The following FAM24B variants were observed in gnomAD, a reference collection of about 807,000 sequenced individuals.
FAM24B encodes the protein protein FAM24B.
FAM24B carries 3 observed loss-of-function variants against 2.3 expected under a neutral mutation model. That is an observed-to-expected ratio of 1.29 (90% CI 0.59 to 3.32). FAM24B has a LOEUF of 3.32. FAM24B is among the 30% of genes most tolerant of loss of function. The probability of loss-of-function intolerance (pLI) is 0.03; values close to 1 mark genes in which losing one functional copy is unlikely to be tolerated. For missense variants in FAM24B, 98 were observed against 117.2 expected, an observed-to-expected ratio of 0.84 and a Z score of 0.76; for synonymous variants, 36 against 46.3, an observed-to-expected ratio of 0.78 and a Z score of 0.90.
At chr10:122,863,988 G>A (rs1847763685) in intron 1 of FAM24B, among the ~76,000 whole-genome samples, 1 of 152,158 alleles carries the variant, frequency 6.6e-6, no homozygotes, top group African/African-American at 2.4e-5. Context: ...TCTTGTTCAG[G>A]TCAGGGTCAC....
intron 1 of FAM24B, among the ~76,000 whole-genome samples, chr10:122,872,417 C>T (rs938301702): frequency 1.3e-5 from 2 of 152,154 alleles, no homozygotes; most frequent in Non-Finnish European, 2.9e-5. Context: ...ACCATTTGAC[C>T]CAGCCATCCC....
chr10:122,867,572 G>A (rs60767967), intron 1 of FAM24B, among the ~76,000 whole-genome samples: 1,670 of 152,254 alleles, frequency 0.011, 30 homozygotes, highest in African/African-American at 0.038. Flanking sequence ...TCACATGGCC[G>A]GGTACTCCTC....
intron 1 of FAM24B, among the ~76,000 whole-genome samples, chr10:122,872,499 T>C (rs1847913337): frequency 6.6e-6 from 1 of 152,172 alleles, no homozygotes; most frequent in African/African-American, 2.4e-5. Flanking sequence ...ATATTTATTG[T>C]GGCATTATTC....
intron 1 of FAM24B, among the ~76,000 whole-genome samples, chr10:122,865,967 A>G (rs1351482842): frequency 2.6e-5 from 4 of 151,090 alleles, no homozygotes; most frequent in East Asian, 1.9e-4. Flanking sequence ...CAGTGGTGCA[A>G]TCTTGGCTCA....
intron 1 of FAM24B, among the ~76,000 whole-genome samples, chr10:122,873,640 T>C (rs1198546914): frequency 6.6e-6 from 1 of 152,230 alleles, no homozygotes; most frequent in Non-Finnish European, 1.5e-5. Context: ...TAGCCATAGA[T>C]AGCAATTTCT....
At chr10:122,874,816 T>A (rs1237323453) in intron 1 of FAM24B, among the ~76,000 whole-genome samples, 1 of 150,430 alleles carries the variant, frequency 6.6e-6, no homozygotes. Flanking sequence ...CAGCATGAGG[T>A]TTTTTTTGCA....
chr10:122,867,820 A>T (rs1847825412), intron 1 of FAM24B, among the ~76,000 whole-genome samples: 1 of 152,226 alleles, frequency 6.6e-6, no homozygotes, highest in Non-Finnish European at 1.5e-5. Context: ...CCAAAGGTAG[A>T]TAAAACCACA....
At chr10:122,857,849 A>C (rs1847663662) in intron 1 of FAM24B, among the ~76,000 whole-genome samples, 1 of 152,206 alleles carries the variant, frequency 6.6e-6, no homozygotes, top group South Asian at 2.1e-4. Flanking sequence ...GAACAAAAGA[A>C]AACATTATCA....
intron 1 of FAM24B, among the ~76,000 whole-genome samples, chr10:122,873,287 G>A (rs911588258): frequency 1.3e-5 from 2 of 152,186 alleles, no homozygotes; most frequent in Non-Finnish European, 2.9e-5. Flanking sequence ...TTAAGCCAAC[G>A]CTCATTTACC....
intron 1 of FAM24B, among the ~76,000 whole-genome samples, chr10:122,857,883 G>A (rs1320404706): frequency 6.6e-6 from 1 of 152,126 alleles, no homozygotes; most frequent in Non-Finnish European, 1.5e-5. Context: ...TCCCCCAAAT[G>A]GGCTGGAAGT....
chr10:122,879,352 C>T (rs1037848536), intron 1 of FAM24B, 133 bp downstream of exon 1: 1 of 152,292 alleles, frequency 6.6e-6, no homozygotes, highest in African/African-American at 2.4e-5. Flanking sequence ...GACAGCGCTT[C>T]CGCCGCGTTC....
chr10:122,870,970 C>G (rs1269850194), intron 1 of FAM24B, among the ~76,000 whole-genome samples: 1 of 152,086 alleles, frequency 6.6e-6, no homozygotes, highest in Non-Finnish European at 1.5e-5. Context: ...AAAGGGCATT[C>G]AATTAGGAAA....
intron 2 of FAM24B, among the ~76,000 whole-genome samples, chr10:122,853,096 C>A (rs1046221600): frequency 2.0e-5 from 3 of 152,128 alleles, no homozygotes; most frequent in Non-Finnish European, 4.4e-5. Flanking sequence ...CTTCCTTCTT[C>A]TCTCCACCTA....
At chr10:122,875,255 C>T (rs750337781) in intron 1 of FAM24B, among the ~76,000 whole-genome samples, 18 of 152,152 alleles carry the variant, frequency 1.2e-4, no homozygotes, top group Non-Finnish European at 1.9e-4. Context: ...TGTTTTTTGA[C>T]TTCTATCATT....
intron 2 of FAM24B, among the ~76,000 whole-genome samples, chr10:122,852,552 G>A (rs1031795320): frequency 6.6e-6 from 1 of 152,088 alleles, no homozygotes; most frequent in African/African-American, 2.4e-5. Flanking sequence ...TTACCACTGC[G>A]AGATAATAAA....
chr10:122,872,641 A>G (rs1004019357), intron 1 of FAM24B, among the ~76,000 whole-genome samples: 11 of 152,278 alleles, frequency 7.2e-5, no homozygotes, highest in African/African-American at 2.6e-4. Context: ...TTGTAGGGAC[A>G]TGGATGAAGC....
chr10:122,879,286 C>T (rs1566273134), intron 1 of FAM24B, among the ~76,000 whole-genome samples, 199 bp downstream of exon 1: 1 of 152,254 alleles, frequency 6.6e-6, no homozygotes. Context: ...TCCCCTCTAA[C>T]GCGAGAATGT....
At chr10:122,869,473 GA>G (rs1847856043) in intron 1 of FAM24B, among the ~76,000 whole-genome samples, 1 of 152,136 alleles carries the variant, frequency 6.6e-6, no homozygotes, top group Admixed American at 6.5e-5. Flanking sequence ...CAAATCAACA[GA>G]ATACACATTC....
intron 1 of FAM24B, among the ~76,000 whole-genome samples, chr10:122,869,911 A>C (rs1257258099): frequency 2.0e-5 from 3 of 152,236 alleles, no homozygotes; most frequent in Non-Finnish European, 1.5e-5. Context: ...AAAAGCTAGC[A>C]GAAGGCAAGA....
Sources: allele counts gnomAD v4.1 joint callset (sites outside exome capture counted in the v4.1 genomes callset), GRCh38; gene constraint gnomAD v4.1.1; transcripts MANE v1.5; gene names NCBI Gene and HGNC (gene_info 2026-07-23, HGNC 2026-07-21).